The following YES1 variants were observed in gnomAD, a reference collection of about 807,000 sequenced individuals.
The protein encoded by YES1 is tyrosine-protein kinase Yes.
YES1 carries 39 observed loss-of-function variants against 70.4 expected under a neutral mutation model. That is an observed-to-expected ratio of 0.55 (90% CI 0.43 to 0.72). YES1 has a LOEUF of 0.72. Among genes scored for constraint, YES1 ranks in the 30% least tolerant of loss-of-function variants. The pLI is 0.00. For missense variants in YES1, 495 were observed against 644.8 expected (o/e 0.77, Z 2.52); for synonymous variants, 198 against 218.6 (o/e 0.91, Z 0.83).
At position 732,919 on chromosome 18, in the gene YES1, A is replaced by G. The variant is rs199636390; in HGVS notation, c.1338T>C (p.Tyr446=). Residue 446 remains tyrosine, a synonymous_variant, in exon 11 of 12, where the codon TAT becomes TAC. Transcript: ENST00000314574. ...IKWTAPEAAL[Y]GRFTIKSDVW... is the part of the protein sequence containing the mutation. Reference sequence around the variant, plus strand: ...CATCAGACTTTATTGTAAACCGACCATACAGTGCAGCTTCAGGAGCTGTCC... The same window carrying G: ...CATCAGACTTTATTGTAAACCGACCGTACAGTGCAGCTTCAGGAGCTGTCC... The G allele has an allele frequency of 3.7e-6, 6 of 1,614,198 alleles. 1 individual carries two copies. The Admixed American group carries it at 8.3e-5, about 22-fold the overall frequency.
intron 1 of YES1, among the ~76,000 whole-genome samples, chr18:784,661 T>C (rs1400278881): frequency 2.0e-5 from 3 of 152,218 alleles, no homozygotes; most frequent in African/African-American, 7.2e-5. Context: ...CCACATTCCT[T>C]GGCTCACAGA....
intron 11 of YES1, among the ~76,000 whole-genome samples, chr18:728,300 C>T (rs563902579): frequency 1.5e-4 from 22 of 146,424 alleles, no homozygotes; most frequent in African/African-American, 5.7e-4. Context: ...GCACTCCAGC[C>T]TGGGTGACAG....
chr18:809,326 G>A (rs1345075875), intron 1 of YES1, among the ~76,000 whole-genome samples: 1 of 151,672 alleles, frequency 6.6e-6, no homozygotes, highest in African/African-American at 2.4e-5. Flanking sequence ...TTTGGAGACA[G>A]TCTCACTCTG....
At chr18:725,586 T>C (rs754394895) in intron 11 of YES1, among the ~76,000 whole-genome samples, 6 of 152,176 alleles carry the variant, frequency 3.9e-5, no homozygotes, top group Non-Finnish European at 8.8e-5. Context: ...CTAGGTACTG[T>C]CATCTTCATA....
intron 11 of YES1, among the ~76,000 whole-genome samples, chr18:730,813 A>G (rs564304866): frequency 6.6e-6 from 1 of 152,286 alleles, no homozygotes; most frequent in East Asian, 1.9e-4. Context: ...AAAGTTCCTC[A>G]TGGTTATACA....
intron 1 of YES1, among the ~76,000 whole-genome samples, chr18:800,523 A>C (rs537382341): frequency 6.6e-6 from 1 of 152,250 alleles, no homozygotes; most frequent in Non-Finnish European, 1.5e-5. Flanking sequence ...ACAAAAATTA[A>C]GCTAGTATTC....
intron 3 of YES1, among the ~76,000 whole-genome samples, chr18:751,213 C>G (rs1448744823): frequency 6.6e-6 from 1 of 152,132 alleles, no homozygotes; most frequent in Non-Finnish European, 1.5e-5. Context: ...CTACTTTCTA[C>G]AACGAGCATC....
intron 10 of YES1, 145 bp downstream of exon 10, chr18:736,663 A>T: frequency 9.1e-7 from 1 of 1,096,168 alleles, no homozygotes; most frequent in Non-Finnish European, 1.2e-6. Flanking sequence ...CCACAGCAGT[A>T]CATGATTTTA....
intron 6 of YES1, among the ~76,000 whole-genome samples, chr18:745,422 G>T (rs534863824): frequency 6.6e-5 from 10 of 152,050 alleles, no homozygotes; most frequent in Non-Finnish European, 1.5e-4. Flanking sequence ...TTTGCTTTTA[G>T]GTTTATTTTC....
At chr18:747,738 C>T (rs2080297255) in intron 4 of YES1, among the ~76,000 whole-genome samples, 182 bp downstream of exon 4, 1 of 152,060 alleles carries the variant, frequency 6.6e-6, no homozygotes, top group African/African-American at 2.4e-5. Context: ...GTTTATGATC[C>T]TACTCTAAGT....
intron 11 of YES1, among the ~76,000 whole-genome samples, chr18:726,715 A>C (rs1240304423): frequency 8.0e-6 from 1 of 125,598 alleles, no homozygotes; most frequent in Admixed American, 1.0e-4. Flanking sequence ...TGGGAGGCGG[A>C]GGTTGCAGTG....
At chr18:740,626 T>C (rs1273183161) in intron 8 of YES1, among the ~76,000 whole-genome samples, 2 of 152,156 alleles carry the variant, frequency 1.3e-5, no homozygotes, top group Non-Finnish European at 2.9e-5. Context: ...CTGGAGTGCA[T>C]GGGACAATGA....
At chr18:749,551 A>G (rs1220051581) in intron 3 of YES1, among the ~76,000 whole-genome samples, 2 of 150,950 alleles carry the variant, frequency 1.3e-5, no homozygotes, top group Non-Finnish European at 3.0e-5. Flanking sequence ...AATAATGCAT[A>G]CTTATAAAAA....
rs181127239 is a variant in YES1 at position 766,754 on chromosome 18, A to G, written c.-8-9919T>C. Among the ~76,000 whole-genome samples the G allele has an allele frequency of 4.9e-4, 75 of 152,224 alleles. No individual in the cohort carries two copies. The East Asian group carries it at 0.014, about 29-fold the overall frequency. Reference sequence around the variant, plus strand: ...GACTGTTCAAATCAGTTTTTAAACTAAAGTGTCTGTTCAAATCAAATTTTT... The same window carrying G: ...GACTGTTCAAATCAGTTTTTAAACTGAAGTGTCTGTTCAAATCAAATTTTT... On this transcript the variant is annotated intron_variant, in intron 1 of 11. Transcript: ENST00000314574.
At chr18:759,971 G>A (rs1341765600) in intron 1 of YES1, among the ~76,000 whole-genome samples, 1 of 148,884 alleles carries the variant, frequency 6.7e-6, no homozygotes, top group African/African-American at 2.5e-5. Flanking sequence ...TTGGTTTTCT[G>A]TCCTTGTGAT....
chr18:757,230 G>A (rs191398597), intron 1 of YES1, among the ~76,000 whole-genome samples: 12 of 152,300 alleles, frequency 7.9e-5, no homozygotes, highest in East Asian at 3.9e-4. Context: ...ATCGCTGGGC[G>A]CAGTGGCTCA....
chr18:801,139 C>T (rs1367818206), intron 1 of YES1, among the ~76,000 whole-genome samples: 3 of 151,736 alleles, frequency 2.0e-5, no homozygotes, highest in South Asian at 2.1e-4. Context: ...GAGCGAGACT[C>T]CATCTCAAAA....
Position 747,787 on chromosome 18 carries a change from C to G in YES1, c.470+133G>C, listed in dbSNP as rs189350265. ...TTAGTTATTAATTTTTAAGTAACAT[C>G]TATTAATATGATACATAAGCTGTAT... On this transcript the variant is annotated intron_variant, in intron 4 of 11. Coordinates refer to ENST00000314574, the MANE Select transcript of YES1 (RefSeq NM_005433.4). The G allele has an allele frequency of 8.5e-6, 6 of 708,928 alleles. No homozygotes were observed. In the African/African-American group the frequency reaches 8.9e-5, roughly 11 times the overall value. 43.9% of individuals were successfully genotyped at this position (708,928 alleles called of 1,614,324 possible). A position where few individuals can be genotyped will look rare whatever the true frequency, so the allele number is the denominator to read the frequency against.
At chr18:764,001 T>A (rs1307683275) in intron 1 of YES1, among the ~76,000 whole-genome samples, 1 of 151,078 alleles carries the variant, frequency 6.6e-6, no homozygotes, top group Non-Finnish European at 1.5e-5. Flanking sequence ...GGCACTGTAG[T>A]CCCAGCTACT....
Sources: allele counts gnomAD v4.1 joint callset (sites outside exome capture counted in the v4.1 genomes callset), GRCh38; gene constraint gnomAD v4.1.1; transcripts MANE v1.5; gene names NCBI Gene and HGNC (gene_info 2026-07-23, HGNC 2026-07-21).